SGSM1: variants seen among roughly 807,000 people sequenced by gnomAD.
The protein encoded by SGSM1 is small G protein signaling modulator 1.
A neutral mutation model predicts 133.8 loss-of-function variants in SGSM1; 73 were observed. The observed-to-expected ratio is 0.55, with a 90% CI of 0.45 to 0.66. The LOEUF (loss-of-function observed/expected upper bound fraction) is 0.66. Among genes scored for constraint, SGSM1 ranks in the 30% least tolerant of loss-of-function variants. The probability of loss-of-function intolerance (pLI) is 0.00; values close to 1 mark genes in which losing one functional copy is unlikely to be tolerated. For synonymous variants in SGSM1, 563 were observed against 573.0 expected (o/e 0.98, Z 0.25); for missense variants, 1,213 against 1,448.1 (o/e 0.84, Z 2.64).
At chr22:24,839,158 C>CT (rs1169572398) in intron 2 of SGSM1, among the ~76,000 whole-genome samples, 1 of 152,180 alleles carries the variant, frequency 6.6e-6, no homozygotes, top group Non-Finnish European at 1.5e-5. Flanking sequence ...TGGGCTCAAG[C>CT]TATCCTCCCA....
chr22:24,849,220 A>G (rs1930315035), intron 4 of SGSM1, among the ~76,000 whole-genome samples: 3 of 151,522 alleles, frequency 2.0e-5, no homozygotes, highest in African/African-American at 4.9e-5. Flanking sequence ...TGCTTGCCAC[A>G]TGGTAGACTC....
chr22:24,862,315 G>T (rs1165198577), intron 9 of SGSM1, among the ~76,000 whole-genome samples: 1 of 152,042 alleles, frequency 6.6e-6, no homozygotes, highest in Non-Finnish European at 1.5e-5. Flanking sequence ...TCCCAGGGGT[G>T]CTCTGGGTCT....
At chr22:24,818,055 A>T (rs1229582808) in intron 2 of SGSM1, among the ~76,000 whole-genome samples, 3 of 151,780 alleles carry the variant, frequency 2.0e-5, no homozygotes, top group African/African-American at 7.2e-5. Context: ...AACATGATGA[A>T]ACCCTGTCTC....
chr22:24,812,347 T>C (rs905844545), intron 2 of SGSM1, among the ~76,000 whole-genome samples: 4 of 152,066 alleles, frequency 2.6e-5, no homozygotes, highest in Non-Finnish European at 5.9e-5. Context: ...CCATGATAGA[T>C]GAGGAACTGG....
chr22:24,846,283 C>G (rs1003888377), intron 3 of SGSM1, among the ~76,000 whole-genome samples: 5 of 151,806 alleles, frequency 3.3e-5, no homozygotes, highest in Admixed American at 6.6e-5. Flanking sequence ...AAGCATTCCT[C>G]TCTCCTTGGC....
chr22:24,923,636 T>A (rs1410963657), intron 24 of SGSM1, among the ~76,000 whole-genome samples: 1 of 152,138 alleles, frequency 6.6e-6, no homozygotes, highest in Non-Finnish European at 1.5e-5. Flanking sequence ...TTTTATTTTT[T>A]TTTGAGACGG....
rs1339505478 is a variant in SGSM1 at position 24,925,449 on chromosome 22, T to C, written c.*1175T>C. 6.6e-6 allele frequency: 1 copy of C among 152,178 alleles called. No homozygotes were observed. The highest frequency in any genetic ancestry group is 1.5e-5 in the Non-Finnish European group (1 of 68,020). 9.4% of individuals were successfully genotyped at this position (152,178 alleles called of 1,614,324 possible). On this transcript the variant is annotated 3_prime_UTR_variant, in exon 25 of 25. Transcript: ENST00000400358. ...TTGTATTTTCTCCTTTTTTCTCCTCTGTCTGATGCCAGAAGATACTTGTTT... is the reference window on the plus strand; with the variant it reads ...TTGTATTTTCTCCTTTTTTCTCCTCCGTCTGATGCCAGAAGATACTTGTTT...
intron 18 of SGSM1, among the ~76,000 whole-genome samples, 189 bp from the exon 19 acceptor site, chr22:24,897,783 A>T (rs746582841): frequency 6.6e-6 from 1 of 151,984 alleles, no homozygotes; most frequent in Non-Finnish European, 1.5e-5. Flanking sequence ...TCACTTTCTT[A>T]TTTGTCACAA....
chr22:24,924,574 G>T lies in SGSM1; in HGVS notation c.*300G>T, dbSNP rs137873193. On this transcript the variant is annotated 3_prime_UTR_variant, in exon 25 of 25. Transcript: ENST00000400358. ...GGAGGAGCCATCTTTGTTTGCTGGT[G>T]CCCGGAATGGTCTCCTCTTCTTCTT... 469 of 425,744 alleles carry T rather than the reference G, an allele frequency of 1.1e-3. 3 individuals are homozygous for T. Among genetic ancestry groups the T allele is most frequent in the African/African-American group, 7.3e-3 (368 of 50,276 alleles). 26.4% of individuals were successfully genotyped at this position (425,744 alleles called of 1,614,324 possible).
At chr22:24,807,374 G>A (rs1202777874) in intron 2 of SGSM1, among the ~76,000 whole-genome samples, 2 of 152,114 alleles carry the variant, frequency 1.3e-5, no homozygotes, top group Non-Finnish European at 2.9e-5. Flanking sequence ...GTGTGTACAC[G>A]TATCTATGTG....
chr22:24,853,509 A>G (rs1930595569), intron 5 of SGSM1, among the ~76,000 whole-genome samples: 1 of 152,238 alleles, frequency 6.6e-6, no homozygotes, highest in Non-Finnish European at 1.5e-5. Context: ...CATGCTGCTG[A>G]TAAAGATATA....
chr22:24,917,987 G>A (rs535152894), intron 23 of SGSM1, among the ~76,000 whole-genome samples: 2 of 152,256 alleles, frequency 1.3e-5, no homozygotes, highest in South Asian at 4.1e-4. Context: ...GCTGAGAAGG[G>A]TTAAGTTCAG....
chr22:24,831,474 A>C (rs1333827263), intron 2 of SGSM1, among the ~76,000 whole-genome samples: 1 of 152,106 alleles, frequency 6.6e-6, no homozygotes, highest in South Asian at 2.1e-4. Flanking sequence ...AGGCAATGTC[A>C]TGTCCCCCAT....
intron 22 of SGSM1, among the ~76,000 whole-genome samples, chr22:24,914,823 T>G (rs1933765599): frequency 6.6e-6 from 1 of 152,230 alleles, no homozygotes; most frequent in Admixed American, 6.6e-5. Context: ...CAACGCATTC[T>G]ATCACATTTG....
intron 10 of SGSM1, 29 bp from the exon 11 acceptor site, chr22:24,868,347 G>A: frequency 6.3e-7 from 1 of 1,596,020 alleles, no homozygotes; most frequent in Non-Finnish European, 8.6e-7. Flanking sequence ...GACTTCCACT[G>A]GGTCTTCTCT....
intron 12 of SGSM1, among the ~76,000 whole-genome samples, chr22:24,874,888 G>A (rs532989852): frequency 6.6e-6 from 1 of 152,342 alleles, no homozygotes; most frequent in Admixed American, 6.5e-5. Context: ...AAGAACTGGG[G>A]CTTTTCTTCT....
chr22:24,852,258 A>AT (rs1289751602), intron 5 of SGSM1, among the ~76,000 whole-genome samples: 1 of 152,270 alleles, frequency 6.6e-6, no homozygotes, highest in East Asian at 1.9e-4. Context: ...GATTTCATCA[A>AT]TTTTTATATT....
At chr22:24,889,711 G>C (rs540321061) in intron 16 of SGSM1, among the ~76,000 whole-genome samples, 1 of 149,008 alleles carries the variant, frequency 6.7e-6, no homozygotes, top group Non-Finnish European at 1.5e-5. Context: ...ATGCAGTGGC[G>C]CGATCTCGGC....
Position 24,875,861 on chromosome 22 carries a change from A to G in SGSM1, c.1292-716A>G, listed in dbSNP as rs566530656. Among the ~76,000 whole-genome samples the G allele has an allele frequency of 9.0e-4, 137 of 152,336 alleles. 1 individual carries two copies. Among genetic ancestry groups the G allele is most frequent in the Admixed American group, 2.5e-3 (39 of 15,302 alleles). The stretch of plus-strand genomic sequence containing the variant: ...TGCTGTATCCTGAGAGTGGCTGGTC[A>G]GGAATCACCAGTGTCCAAAAGTTAG... On this transcript the variant is annotated intron_variant, in intron 12 of 24. Transcript: ENST00000400358.
Sources: gnomAD v4.1 joint callset for allele counts (sites outside exome capture counted in the v4.1 genomes callset) on GRCh38, gnomAD v4.1.1 for gene constraint, MANE v1.5 for transcripts, NCBI Gene and HGNC (gene_info 2026-07-23, HGNC 2026-07-21) for gene names.